Variants in MLIP observed in about 807,000 individuals in gnomAD.
The protein encoded by MLIP is muscular LMNA-interacting protein.
In MLIP, 79 loss-of-function variants were observed where a neutral mutation model predicts 84.8. The observed-to-expected ratio is 0.93, with a 90% confidence interval of 0.78 to 1.12. MLIP has a LOEUF of 1.12. Ranked by LOEUF, MLIP falls within the 50% of genes most tolerant of loss-of-function variation. The probability of loss-of-function intolerance (pLI) is 0.00; values close to 1 mark genes in which losing one functional copy is unlikely to be tolerated. For synonymous variants in MLIP, 504 were observed against 463.0 expected, an observed-to-expected ratio of 1.09 and a Z score of -1.14; for missense variants, 1,257 against 1,160.6, an observed-to-expected ratio of 1.08 and a Z score of -1.21.
chr6:54,146,887 T>G (rs1040459428), intron 4 of MLIP, among the ~76,000 whole-genome samples: 38 of 152,310 alleles, frequency 2.5e-4, no homozygotes, highest in African/African-American at 8.4e-4. Flanking sequence ...ATAAAGTGCC[T>G]GTGTCCAAAT....
chr6:54,028,075 G>A (rs1378109766), intron 1 of MLIP, among the ~76,000 whole-genome samples: 1 of 152,116 alleles, frequency 6.6e-6, no homozygotes, highest in African/African-American at 2.4e-5. Flanking sequence ...TTGTATTAGA[G>A]AATCATTTGC....
chr6:54,203,968 C>T (rs889189409), intron 11 of MLIP: 56 of 152,356 alleles, frequency 3.7e-4, no homozygotes, highest in African/African-American at 1.2e-3. Context: ...ATTTGCATTA[C>T]TTAAAATCTA....
chr6:54,120,842 C>T (rs1046288668), intron 1 of MLIP, among the ~76,000 whole-genome samples: 4 of 152,020 alleles, frequency 2.6e-5, no homozygotes, highest in African/African-American at 7.2e-5. Context: ...TGACTGTTTC[C>T]TGTTCACCGT....
At chr6:54,080,621 A>G (rs1767078963) in intron 1 of MLIP, among the ~76,000 whole-genome samples, 1 of 150,754 alleles carries the variant, frequency 6.6e-6, no homozygotes, top group Non-Finnish European at 1.5e-5. Context: ...AGACATACAC[A>G]TTTTTTGTCT....
chr6:54,229,788 G>C (rs1780852467), intron 11 of MLIP, among the ~76,000 whole-genome samples: 2 of 152,130 alleles, frequency 1.3e-5, no homozygotes, highest in African/African-American at 4.8e-5. Flanking sequence ...CATTTGTATT[G>C]ATTCCATGTC....
At chr6:54,253,015 T>C (rs552369407) in intron 12 of MLIP, among the ~76,000 whole-genome samples, 2 of 152,270 alleles carry the variant, frequency 1.3e-5, no homozygotes, top group Non-Finnish European at 2.9e-5. Context: ...TCTGTAGCCA[T>C]CGAATTCTTC....
intron 1 of MLIP, among the ~76,000 whole-genome samples, chr6:54,096,528 C>T (rs1205904934): frequency 6.6e-6 from 1 of 151,958 alleles, no homozygotes; most frequent in Non-Finnish European, 1.5e-5. Flanking sequence ...CGGGGAAGCC[C>T]ACAGCTGGTG....
intron 10 of MLIP, among the ~76,000 whole-genome samples, chr6:54,193,620 T>A (rs1168318753): frequency 6.6e-6 from 1 of 152,126 alleles, no homozygotes; most frequent in Non-Finnish European, 1.5e-5. Context: ...GAAGCATTAC[T>A]TTCACTGGGT....
intron 9 of MLIP, among the ~76,000 whole-genome samples, chr6:54,180,575 G>A (rs564604801): frequency 1.2e-3 from 184 of 152,056 alleles, no homozygotes; most frequent in African/African-American, 4.1e-3. Context: ...ACCTGCCTTT[G>A]AGCTTATTAA....
upstream of MLIP, among the ~76,000 whole-genome samples, chr6:54,110,208 C>T (rs1479366036): frequency 1.3e-5 from 2 of 152,036 alleles, no homozygotes; most frequent in African/African-American, 4.8e-5. Flanking sequence ...TGGTCTCGAT[C>T]TCCTGACCTT....
intron 1 of MLIP, among the ~76,000 whole-genome samples, chr6:54,086,479 G>A (rs951538212): frequency 6.6e-6 from 1 of 152,104 alleles, no homozygotes; most frequent in African/African-American, 2.4e-5. Flanking sequence ...TCATTTTAGG[G>A]GAATATAGCA....
At chr6:54,210,945 T>C (rs1253795116) in intron 11 of MLIP, among the ~76,000 whole-genome samples, 1 of 152,106 alleles carries the variant, frequency 6.6e-6, no homozygotes, top group African/African-American at 2.4e-5. Flanking sequence ...TTTTATGTAA[T>C]AAAGTTGGGA....
rs572765225 is a variant in MLIP at position 54,203,092 on chromosome 6, A to G, written c.2718+859A>G. On this transcript the variant is annotated intron_variant, in intron 11 of 13. Transcript: ENST00000502396. ...TGTTGTTCATTTTGTTTATGTTTGA[A>G]AAGTCTATACTAGATTCTCCTTATA... is the stretch of plus-strand genomic sequence containing the variant. 3.9e-5 allele frequency among the ~76,000 whole-genome samples: 6 copies of G among 152,320 alleles called. No individual in the cohort carries two copies. In the South Asian group the frequency reaches 1.2e-3, roughly 32 times the overall value.
intron 1 of MLIP, among the ~76,000 whole-genome samples, chr6:54,022,866 A>G (rs1763573943): frequency 6.6e-6 from 1 of 152,102 alleles, no homozygotes; most frequent in African/African-American, 2.4e-5. Flanking sequence ...GTTCAGTAAT[A>G]TTACAAAAAT....
intron 5 of MLIP, among the ~76,000 whole-genome samples, chr6:54,149,918 T>C (rs1045952834): frequency 6.6e-6 from 1 of 152,202 alleles, no homozygotes; most frequent in African/African-American, 2.4e-5. Context: ...TTACCAAGTC[T>C]ATGAAATTAT....
chr6:54,137,074 T>A lies in MLIP; in HGVS notation c.1005T>A (p.His335Gln). The A allele has an allele frequency of 1.3e-6, 2 of 1,536,116 alleles. No individual in the cohort carries two copies. The highest frequency in any genetic ancestry group is 1.7e-6 in the Non-Finnish European group (2 of 1,146,894). Residue 335 changes from histidine to glutamine, a missense_variant, in exon 4 of 14, where the codon CAT becomes CAA. His to Gln is a conservative substitution (Grantham distance 24, BLOSUM62 0). Transcript: ENST00000502396. ...TCAAGAAGACAACTTTAACCTCGCA[T>A]GTCCTTAGTCACGGAGAAAGTCCGA... ...EVLKKTTLTS[H>Q]VLSHGESPRT...
At chr6:54,132,207 G>A (rs1470742267) in intron 3 of MLIP, among the ~76,000 whole-genome samples, 2 of 152,198 alleles carry the variant, frequency 1.3e-5, no homozygotes, top group Admixed American at 1.3e-4. Context: ...GGAAAGAACA[G>A]AGAATTGTGG....
intron 12 of MLIP, among the ~76,000 whole-genome samples, chr6:54,255,499 G>A (rs1024161903): frequency 6.6e-6 from 1 of 152,010 alleles, no homozygotes; most frequent in East Asian, 1.9e-4. Context: ...ATATTAAAAA[G>A]GCAAATCTAC....
chr6:54,056,124 A>C (rs184515844), intron 1 of MLIP, among the ~76,000 whole-genome samples: 17 of 152,296 alleles, frequency 1.1e-4, no homozygotes, highest in Non-Finnish European at 1.5e-5. Flanking sequence ...TACTGTGGAC[A>C]TGTCATGTCT....
Sources: allele counts gnomAD v4.1 joint callset (sites outside exome capture counted in the v4.1 genomes callset), GRCh38; gene constraint gnomAD v4.1.1; transcripts MANE v1.5; gene names NCBI Gene and HGNC (gene_info 2026-07-23, HGNC 2026-07-21).